Variants in NLRP14 observed in about 807,000 individuals in gnomAD.
NLRP14 encodes NLR family pyrin domain containing 14, also known as NACHT, LRR and PYD domains-containing protein 14.
In NLRP14, 105 loss-of-function variants were observed where a neutral mutation model predicts 94.7. That is an observed-to-expected ratio of 1.11 (90% CI 0.95 to 1.30). The LOEUF (loss-of-function observed/expected upper bound fraction) is 1.30, where lower values mean the gene tolerates loss of function less well. Ranked by LOEUF, NLRP14 falls within the 50% of genes most tolerant of loss-of-function variation. The pLI is 0.00. For missense variants in NLRP14, 1,362 were observed against 1,254.1 expected (o/e 1.09, Z -1.30); for synonymous variants, 508 against 459.9 (o/e 1.10, Z -1.34).
the NLRP14 span, among the ~76,000 whole-genome samples, chr11:7,082,512 G>A: frequency 2.6e-5 from 4 of 152,226 alleles, no homozygotes; most frequent in South Asian, 2.1e-4. Flanking sequence ...TAGCAGGAGC[G>A]GTGTCAGCAA....
At chr11:7,063,349 G>C (rs568176979) in intron 10 of NLRP14, among the ~76,000 whole-genome samples, 1 of 152,058 alleles carries the variant, frequency 6.6e-6, no homozygotes, top group Non-Finnish European at 1.5e-5. Flanking sequence ...GTTTGCGTCA[G>C]TTCCTTTTGT....
chr11:7,087,153 G>A, the NLRP14 span, among the ~76,000 whole-genome samples: 1 of 152,178 alleles, frequency 6.6e-6, no homozygotes, highest in Non-Finnish European at 1.5e-5. Context: ...TCTGCTGACT[G>A]CAAATTCTCT....
intron 1 of NLRP14, among the ~76,000 whole-genome samples, chr11:7,025,274 G>A (rs957981227): frequency 6.6e-6 from 1 of 152,106 alleles, no homozygotes. Context: ...TTCAATAGCA[G>A]TATAGACTAG....
intron 6 of NLRP14, among the ~76,000 whole-genome samples, chr11:7,050,707 T>G (rs1306573212): frequency 6.6e-6 from 1 of 152,162 alleles, no homozygotes; most frequent in African/African-American, 2.4e-5. Context: ...TTAAAAACTC[T>G]TATCGGTTTT....
Position 7,070,307 on chromosome 11 carries a change from A to T in NLRP14, c.2997A>T (p.Thr999=), listed in dbSNP as rs1193525289. ...ACAGGTTGGAATACTGTGGTTTGAC[A>T]TCTCTCTGCTGTCAAGATCTCTCCT... ...QRLGLEYCGL[T]SLCCQDLSSA... Residue 999 remains threonine (T), a synonymous_variant, in exon 11 of 12, where the codon ACA becomes ACT. Transcript: ENST00000299481. 1 of 1,612,178 alleles carries T rather than the reference A, an allele frequency of 6.2e-7. No individual in the cohort carries two copies. Among genetic ancestry groups the T allele is most frequent in the Admixed American group, 1.7e-5 (1 of 60,006 alleles).
chr11:7,035,523 C>A (rs572883825), intron 1 of NLRP14, among the ~76,000 whole-genome samples: 1 of 152,108 alleles, frequency 6.6e-6, no homozygotes, highest in African/African-American at 2.4e-5. Context: ...ATATAACGCA[C>A]GTATAGTATC....
chr11:7,071,612 G>A (rs1179386739), downstream of NLRP14, among the ~76,000 whole-genome samples: 2 of 148,708 alleles, frequency 1.3e-5, no homozygotes, highest in Admixed American at 6.8e-5. Context: ...AGACAGGGAA[G>A]ATCAGTTAAA....
the NLRP14 span, among the ~76,000 whole-genome samples, chr11:7,079,157 A>G: frequency 6.6e-6 from 1 of 152,178 alleles, no homozygotes; most frequent in East Asian, 1.9e-4. Flanking sequence ...GAAGAAGATG[A>G]TTCCTTTTTC....
the NLRP14 span, among the ~76,000 whole-genome samples, chr11:7,077,915 G>C: frequency 6.6e-6 from 1 of 151,566 alleles, no homozygotes; most frequent in Non-Finnish European, 1.5e-5. Context: ...AATTTATAGA[G>C]ACAGAAGAAT....
rs567366392 is a variant in NLRP14 at position 7,029,015 on chromosome 11, GTTAAT to G, written c.-22+8252_-22+8256del. ...GTTACTTGTATTTGTGTGTGTGACTGTTAATTTAATTATGCAGCATGAAGAAAAAA... is the reference window on the plus strand; with the variant it reads ...GTTACTTGTATTTGTGTGTGTGACTGTTAATTATGCAGCATGAAGAAAAAA... On this transcript the variant is annotated intron_variant, in intron 1 of 11. Transcript: ENST00000299481. Among the ~76,000 whole-genome samples, 773 of 152,212 alleles carry G rather than the reference GTTAAT, an allele frequency of 5.1e-3. 3 individuals carry two copies. The highest frequency in any genetic ancestry group is 0.012 in the African/African-American group (497 of 41,552).
intron 7 of NLRP14, 123 bp downstream of exon 7, chr11:7,057,970 A>T: frequency 1.2e-6 from 1 of 813,402 alleles, no homozygotes; most frequent in South Asian, 1.4e-5. Flanking sequence ...AATTCTGAAT[A>T]AGCTCTACAT....
At chr11:7,044,875 A>G (rs1001709642) in intron 4 of NLRP14, among the ~76,000 whole-genome samples, 5 of 152,236 alleles carry the variant, frequency 3.3e-5, no homozygotes, top group Admixed American at 2.6e-4. Context: ...TCAAGCACAC[A>G]TCAAATAATA....
chr11:7,037,818 G>T (rs1852182172), intron 1 of NLRP14, among the ~76,000 whole-genome samples: 1 of 152,184 alleles, frequency 6.6e-6, no homozygotes, highest in Non-Finnish European at 1.5e-5. Flanking sequence ...TGGGGTGAGA[G>T]CATTAGAGTA....
chr11:7,052,260 C>A (rs1852451370), intron 6 of NLRP14, among the ~76,000 whole-genome samples: 1 of 152,142 alleles, frequency 6.6e-6, no homozygotes, highest in Non-Finnish European at 1.5e-5. Context: ...ACCAAAATGG[C>A]ATATAAATGC....
intron 5 of NLRP14, among the ~76,000 whole-genome samples, chr11:7,049,266 G>A (rs994886414): frequency 9.9e-5 from 15 of 152,190 alleles, no homozygotes; most frequent in African/African-American, 3.6e-4. Context: ...GGCACAGCAT[G>A]TTTTGCAACA....
At chr11:7,084,088 A>G in the NLRP14 span, among the ~76,000 whole-genome samples, 23 of 152,214 alleles carry the variant, frequency 1.5e-4, no homozygotes, top group African/African-American at 5.1e-4. Context: ...GTGGCCTTCC[A>G]AATAGGATGC....
intron 10 of NLRP14, among the ~76,000 whole-genome samples, chr11:7,063,136 T>C (rs1324157959): frequency 6.6e-6 from 1 of 152,134 alleles, no homozygotes; most frequent in Non-Finnish European, 1.5e-5. Context: ...TATATTTCCA[T>C]TGACTATATA....
At chr11:7,074,847 A>T (rs1852854994), downstream of NLRP14, among the ~76,000 whole-genome samples, 1 of 152,360 alleles carries the variant, frequency 6.6e-6, no homozygotes, top group East Asian at 1.9e-4. Context: ...GTGTCAGTGA[A>T]ATTAATGATT....
rs1352179961 is a variant in NLRP14 at position 7,039,738 on chromosome 11, A to G, written c.314A>G (p.Asp105Gly). The G allele has an allele frequency of 3.1e-6, 5 of 1,614,122 alleles. No individual in the cohort carries two copies. The highest frequency in any genetic ancestry group is 4.2e-6 in the Non-Finnish European group (5 of 1,179,944). Residue 105 changes from aspartate (D) to glycine (G), a missense_variant, in exon 3 of 12, where the codon GAT becomes GGT. Coordinates refer to ENST00000299481, the MANE Select transcript of NLRP14 (RefSeq NM_176822.4). Reference sequence around the variant, plus strand: ...GGGTCGGCCCAGACTATAGGACCAGATGATGCCAAGGCTGGAGAGACACAA... The same window carrying G: ...GGGTCGGCCCAGACTATAGGACCAGGTGATGCCAAGGCTGGAGAGACACAA... ...INWSAQTIGP[D>G]DAKAGETQED...
Sources: gnomAD v4.1 joint callset for allele counts (sites outside exome capture counted in the v4.1 genomes callset) on GRCh38, gnomAD v4.1.1 for gene constraint, MANE v1.5 for transcripts, NCBI Gene and HGNC (gene_info 2026-07-23, HGNC 2026-07-21) for gene names.